Variants in PDE11A observed in about 807,000 individuals in gnomAD.
PDE11A encodes dual 3',5'-cyclic-AMP and -GMP phosphodiesterase 11A.
Under a neutral mutation model 100.5 loss-of-function variants are expected in PDE11A, and 100 were observed. The ratio of observed to expected loss-of-function variants is 1.00; its 90% CI spans 0.85 to 1.18. PDE11A has a LOEUF of 1.18. PDE11A is among the 50% of genes most tolerant of loss of function. The pLI is 0.00. For missense variants in PDE11A, 1,141 were observed against 1,152.6 expected (o/e 0.99, Z 0.15); for synonymous variants, 381 against 420.8 (o/e 0.91, Z 1.16).
chr2:177,754,333 T>C (rs377687598), intron 10 of PDE11A, among the ~76,000 whole-genome samples: 2 of 152,234 alleles, frequency 1.3e-5, no homozygotes, highest in African/African-American at 4.8e-5. Context: ...CAGAAAATAC[T>C]GCAGACAAAA....
intron 6 of PDE11A, among the ~76,000 whole-genome samples, chr2:177,834,111 A>T (rs2083353152): frequency 6.6e-6 from 1 of 152,160 alleles, no homozygotes; most frequent in Non-Finnish European, 1.5e-5. Flanking sequence ...TTTTCACTTA[A>T]TACATTCCAC....
At chr2:177,933,800 A>G (rs1172326670) in intron 2 of PDE11A, among the ~76,000 whole-genome samples, 1 of 152,218 alleles carries the variant, frequency 6.6e-6, no homozygotes, top group Non-Finnish European at 1.5e-5. Flanking sequence ...CCAATGGAAT[A>G]GAAAGGAGAA....
At chr2:178,091,779 T>G (rs1015101466) in intron 2 of PDE11A, among the ~76,000 whole-genome samples, 4 of 151,778 alleles carry the variant, frequency 2.6e-5, no homozygotes, top group Admixed American at 2.6e-4. Flanking sequence ...TGTAAGTGGG[T>G]GGGGGGGCTC....
chr2:177,752,736 G>A (rs917054767), intron 10 of PDE11A, among the ~76,000 whole-genome samples: 4 of 152,108 alleles, frequency 2.6e-5, no homozygotes, highest in African/African-American at 7.2e-5. Context: ...GTTAGTCACC[G>A]GAGATAATAG....
chr2:177,769,111 T>A (rs2082276543), intron 10 of PDE11A, among the ~76,000 whole-genome samples: 1 of 152,226 alleles, frequency 6.6e-6, no homozygotes, highest in Non-Finnish European at 1.5e-5. Flanking sequence ...GAAGAAATAC[T>A]GAATCATGTA....
intron 2 of PDE11A, among the ~76,000 whole-genome samples, chr2:177,942,242 A>C (rs760037496): frequency 1.4e-4 from 21 of 152,294 alleles, no homozygotes; most frequent in Admixed American, 3.9e-4. Context: ...CCCTGGTTGT[A>C]AAATTGGGGT....
intron 2 of PDE11A, among the ~76,000 whole-genome samples, chr2:177,910,443 TATAC>T (rs1348052866): frequency 2.5e-3 from 377 of 151,460 alleles, no homozygotes; most frequent in African/African-American, 7.0e-3. Context: ...TATATATATA[TATAC>T]ACACACACAC....
intron 2 of PDE11A, among the ~76,000 whole-genome samples, chr2:177,947,955 ATTTTC>A (rs2085463976): frequency 6.6e-6 from 1 of 151,678 alleles, no homozygotes; most frequent in South Asian, 2.1e-4. Context: ...CTTTCTCAAT[ATTTTC>A]TTTTGTTTCC....
chr2:177,778,329 T>G (rs2082406718), intron 9 of PDE11A, among the ~76,000 whole-genome samples: 1 of 152,160 alleles, frequency 6.6e-6, no homozygotes. Context: ...TGTTAATTTG[T>G]TGTGGATTTG....
chr2:178,106,154 T>G (rs2087615518), intron 1 of PDE11A, among the ~76,000 whole-genome samples: 1 of 152,228 alleles, frequency 6.6e-6, no homozygotes, highest in Admixed American at 6.5e-5. Context: ...GGTTAAACAA[T>G]CTGTATTCTT....
chr2:178,055,597 T>C (rs905533709), intron 1 of PDE11A, among the ~76,000 whole-genome samples: 3 of 152,186 alleles, frequency 2.0e-5, no homozygotes, highest in Non-Finnish European at 2.9e-5. Flanking sequence ...AAGGAATTTA[T>C]AGATGGAATT....
rs72020976 is a variant in PDE11A at position 177,979,077 on chromosome 2, TAAA to T, written c.1071+35222_1071+35224del. ...ATGTACCCTAAAACTTAGAGTATAATAAAAAAAAAAAAAAAAAGAAAGAAAATG... is the reference window on the plus strand; with the variant it reads ...ATGTACCCTAAAACTTAGAGTATAATAAAAAAAAAAAAAAGAAAGAAAATG... On this transcript the variant is annotated intron_variant, in intron 2 of 19. Coordinates refer to ENST00000286063, the MANE Select transcript of PDE11A (RefSeq NM_016953.4). Among the ~76,000 whole-genome samples the T allele has an allele frequency of 9.7e-4, 110 of 113,030 alleles. 4 individuals are homozygous for T. The East Asian group carries it at 0.011, about 11-fold the overall frequency. The allele number at this position is 113,030 out of a possible 152,430, so 74.2% of individuals were successfully genotyped here.
intron 9 of PDE11A, among the ~76,000 whole-genome samples, chr2:177,792,752 T>C (rs997812307): frequency 1.3e-5 from 2 of 152,168 alleles, no homozygotes; most frequent in African/African-American, 4.8e-5. Flanking sequence ...AGATTAGATT[T>C]GAGTAAACCA....
intron 13 of PDE11A, among the ~76,000 whole-genome samples, chr2:177,711,362 T>C (rs1210102222): frequency 1.3e-5 from 2 of 152,248 alleles, no homozygotes; most frequent in Non-Finnish European, 2.9e-5. Flanking sequence ...AGAGACTCTG[T>C]TGGAGAAGGA....
intron 12 of PDE11A, among the ~76,000 whole-genome samples, chr2:177,713,156 C>T (rs1257263153): frequency 6.6e-6 from 1 of 151,946 alleles, no homozygotes; most frequent in Non-Finnish European, 1.5e-5. Flanking sequence ...TTACAGGCAC[C>T]CACCACCACG....
At chr2:177,925,341 C>T (rs1476559356) in intron 2 of PDE11A, among the ~76,000 whole-genome samples, 1 of 151,748 alleles carries the variant, frequency 6.6e-6, no homozygotes, top group Admixed American at 6.6e-5. Flanking sequence ...TTTACAGTCC[C>T]ACCAACAGTG....
At chr2:177,971,426 G>T (rs1046349846) in intron 2 of PDE11A, among the ~76,000 whole-genome samples, 1 of 152,068 alleles carries the variant, frequency 6.6e-6, no homozygotes, top group Non-Finnish European at 1.5e-5. Flanking sequence ...GGCTAGGAAG[G>T]CTCAAAAGTC....
upstream of PDE11A, among the ~76,000 whole-genome samples, chr2:178,077,260 C>CTTTTTTTTTTTTTT (rs57259393): frequency 1.6e-4 from 16 of 98,646 alleles, no homozygotes; most frequent in South Asian, 3.6e-4. Context: ...TTCTTTCTTT[C>CTTTTTTTTTTTTTT]TTTTTTTTTT....
intron 9 of PDE11A, among the ~76,000 whole-genome samples, chr2:177,799,983 C>T (rs1174875723): frequency 6.6e-6 from 1 of 152,102 alleles, no homozygotes; most frequent in Non-Finnish European, 1.5e-5. Context: ...AAAGATTTTA[C>T]TGGCGTTAAT....
Sources: gnomAD v4.1 joint callset for allele counts (sites outside exome capture counted in the v4.1 genomes callset) on GRCh38, gnomAD v4.1.1 for gene constraint, MANE v1.5 for transcripts, NCBI Gene and HGNC (gene_info 2026-07-23, HGNC 2026-07-21) for gene names.